The following ARFGEF2 variants were observed in gnomAD, a reference collection of about 807,000 sequenced individuals.
ARFGEF2 encodes the protein ARF guanine nucleotide exchange factor 2, also known as brefeldin A-inhibited guanine nucleotide-exchange protein 2.
A neutral mutation model predicts 219.9 loss-of-function variants in ARFGEF2; 74 were observed. That is an observed-to-expected ratio of 0.34 (90% CI 0.28 to 0.41). The LOEUF (loss-of-function observed/expected upper bound fraction) is 0.41, where lower values mean the gene tolerates loss of function less well. Ranked by LOEUF, ARFGEF2 falls within the 10% of genes least tolerant of loss-of-function variation. The pLI, the probability that ARFGEF2 is intolerant of heterozygous loss-of-function variation, is 1.00. For missense variants in ARFGEF2, 1,743 were observed against 2,218.3 expected (o/e 0.79, Z 4.30); for synonymous variants, 733 against 799.2 (o/e 0.92, Z 1.40).
chr20:48,987,426 A>G (rs981611001), intron 16 of ARFGEF2, among the ~76,000 whole-genome samples: 6 of 152,246 alleles, frequency 3.9e-5, no homozygotes, highest in Admixed American at 6.5e-5. Flanking sequence ...GTCAGACTTC[A>G]CCAACATATT....
chr20:48,963,708 G>C, intron 6 of ARFGEF2, 122 bp from the exon 7 acceptor site: 1 of 933,900 alleles, frequency 1.1e-6, no homozygotes, highest in East Asian at 2.6e-5. Context: ...TTGGCCTTGG[G>C]GAGAACTTAT....
intron 35 of ARFGEF2, among the ~76,000 whole-genome samples, chr20:49,024,667 G>T (rs1355337423): frequency 6.6e-6 from 1 of 152,316 alleles, no homozygotes; most frequent in African/African-American, 2.4e-5. Context: ...TAGGCAGCTT[G>T]TTCAGTAAAG....
intron 3 of ARFGEF2, among the ~76,000 whole-genome samples, chr20:48,942,783 G>C (rs2091001791): frequency 1.3e-5 from 2 of 152,064 alleles, no homozygotes; most frequent in Admixed American, 6.6e-5. Context: ...GTTTTTGGTA[G>C]TTATGTGCTA....
chr20:48,927,881 C>A (rs944823581), intron 1 of ARFGEF2, among the ~76,000 whole-genome samples: 1 of 151,986 alleles, frequency 6.6e-6, no homozygotes, highest in Non-Finnish European at 1.5e-5. Context: ...TTGTTGAAAA[C>A]CACTGTGGAT....
rs2091656149 is a variant in ARFGEF2, at chr20:49,034,706, T to C, written c.*1507T>C. Reference sequence around the variant, plus strand: ...GTAGTTTGGGAACCTATCTGTAAAATCAGATGTTTTTTCTTTGTAGAGAAG... The same window carrying C: ...GTAGTTTGGGAACCTATCTGTAAAACCAGATGTTTTTTCTTTGTAGAGAAG... On this transcript the variant is annotated 3_prime_UTR_variant, in exon 39 of 39. Transcript: ENST00000371917. 1 of 152,216 alleles carries C rather than the reference T, an allele frequency of 6.6e-6. No individual in the cohort carries two copies. The highest frequency in any genetic ancestry group is 6.5e-5 in the Admixed American group (1 of 15,276). 9.4% of individuals were successfully genotyped at this position (152,216 alleles called of 1,614,324 possible). A position where few individuals can be genotyped will look rare whatever the true frequency, so the allele number is the denominator to read the frequency against.
intron 14 of ARFGEF2, among the ~76,000 whole-genome samples, chr20:48,978,426 T>C (rs1373799340): frequency 6.6e-6 from 1 of 152,218 alleles, no homozygotes; most frequent in Non-Finnish European, 1.5e-5. Flanking sequence ...TTTGTTCTTT[T>C]TGCTTAGGAT....
intron 36 of ARFGEF2, among the ~76,000 whole-genome samples, chr20:49,026,091 CTG>C (rs943546863): frequency 4.0e-5 from 6 of 151,702 alleles, no homozygotes; most frequent in African/African-American, 1.5e-4. Flanking sequence ...TCCCAGCACT[CTG>C]GGAGGCTAAG....
At chr20:49,031,917 C>CA (rs3091900) in intron 37 of ARFGEF2, 132 bp from the exon 38 acceptor site, 12,895 of 673,096 alleles carry the variant, frequency 0.019, 2 homozygotes, top group Middle Eastern at 0.025. Flanking sequence ...GACCCTGTCT[C>CA]AAAAAAAAAA....
At chr20:48,938,981 T>G (rs1014557605) in intron 1 of ARFGEF2, among the ~76,000 whole-genome samples, 7 of 139,824 alleles carry the variant, frequency 5.0e-5, no homozygotes, top group Non-Finnish European at 9.3e-5. Context: ...TTTTTGTTTG[T>G]TTTTTTTTTT....
intron 30 of ARFGEF2, among the ~76,000 whole-genome samples, chr20:49,015,624 T>C (rs180844571): frequency 8.5e-5 from 13 of 152,370 alleles, no homozygotes; most frequent in Non-Finnish European, 1.5e-4. Context: ...CTAAGCCTTT[T>C]GATACGTACC....
chr20:48,994,608 C>T lies in ARFGEF2; in HGVS notation c.3121+10C>T, dbSNP rs756594278. Reference sequence around the variant, plus strand: ...ATGGGCCTTGGCCTCGGTAAGACACCAGGCCCCACAGCTAACAGTCACGGA... The same window carrying T: ...ATGGGCCTTGGCCTCGGTAAGACACTAGGCCCCACAGCTAACAGTCACGGA... On this transcript the variant is annotated intron_variant, in intron 22 of 38. Transcript: ENST00000371917. 6.2e-7 allele frequency: 1 copy of T among 1,613,204 alleles called. No homozygotes were observed. The highest frequency in any genetic ancestry group is 8.5e-7 in the Non-Finnish European group (1 of 1,179,958).
chr20:48,977,846 TGTTTAA>T (rs1350028684), intron 14 of ARFGEF2, among the ~76,000 whole-genome samples: 1 of 152,226 alleles, frequency 6.6e-6, no homozygotes, highest in Admixed American at 6.5e-5. Flanking sequence ...CTTGTAAATT[TGTTTAA>T]GTTCTTTGTA....
chr20:49,014,563 C>A (rs768943318), intron 30 of ARFGEF2, among the ~76,000 whole-genome samples: 2 of 152,090 alleles, frequency 1.3e-5, no homozygotes, highest in Admixed American at 6.6e-5. Context: ...CAAAAAAATT[C>A]TTCCTTTTAC....
At chr20:48,973,052 A>G in intron 11 of ARFGEF2, 93 bp from the exon 12 acceptor site, 1 of 1,457,146 alleles carries the variant, frequency 6.9e-7, no homozygotes. Flanking sequence ...TCTGTAGTTC[A>G]CTGGGGAAAT....
chr20:48,938,768 A>G (rs1600591575), intron 1 of ARFGEF2, among the ~76,000 whole-genome samples: 1 of 152,170 alleles, frequency 6.6e-6, no homozygotes, highest in Non-Finnish European at 1.5e-5. Context: ...CAGAACAACT[A>G]GCACCTGTGA....
chr20:49,022,341 C>T (rs565199002), intron 34 of ARFGEF2, among the ~76,000 whole-genome samples: 11 of 151,748 alleles, frequency 7.2e-5, no homozygotes, highest in Non-Finnish European at 1.5e-4. Flanking sequence ...GCAGGCAGAT[C>T]GCTTGATATT....
At chr20:48,967,177 C>T (rs572647648) in intron 8 of ARFGEF2, among the ~76,000 whole-genome samples, 5 of 152,234 alleles carry the variant, frequency 3.3e-5, no homozygotes, top group South Asian at 4.2e-4. Flanking sequence ...CTTGAGGATG[C>T]GCTTAAATCT....
intron 26 of ARFGEF2, among the ~76,000 whole-genome samples, chr20:49,005,554 C>T (rs895062591): frequency 2.6e-5 from 4 of 151,444 alleles, no homozygotes; most frequent in African/African-American, 9.7e-5. Context: ...CTGGCTAACA[C>T]GGTGAAACCC....
At chr20:49,001,822 GGTTT>G (rs2091426840) in intron 25 of ARFGEF2, among the ~76,000 whole-genome samples, 1 of 152,054 alleles carries the variant, frequency 6.6e-6, no homozygotes, top group Non-Finnish European at 1.5e-5. Context: ...ATATTGTCTT[GGTTT>G]GTTTCGCTTT....
Sources: allele counts gnomAD v4.1 joint callset (sites outside exome capture counted in the v4.1 genomes callset), GRCh38; gene constraint gnomAD v4.1.1; transcripts MANE v1.5; gene names NCBI Gene and HGNC (gene_info 2026-07-23, HGNC 2026-07-21).